CFAP54: variants seen among roughly 807,000 people sequenced by gnomAD.
CFAP54 encodes cilia- and flagella-associated protein 54.
In CFAP54, 290 loss-of-function variants were observed where a neutral mutation model predicts 370.4. The observed-to-expected ratio is 0.78, with a 90% CI of 0.71 to 0.86. The LOEUF (loss-of-function observed/expected upper bound fraction) is 0.86. Ranked by LOEUF, CFAP54 falls within the 40% of genes least tolerant of loss-of-function variation. The probability of loss-of-function intolerance (pLI) is 0.00; values close to 1 mark genes in which losing one functional copy is unlikely to be tolerated. For synonymous variants in CFAP54, 1,206 were observed against 1,236.5 expected, an observed-to-expected ratio of 0.98 and a Z score of 0.52; for missense variants, 3,399 against 3,528.7, an observed-to-expected ratio of 0.96 and a Z score of 0.93.
chr12:96,691,322 G>A lies in CFAP54; in HGVS notation c.6264+12G>A. On this transcript the variant is annotated intron_variant, in intron 44 of 67. Transcript: ENST00000524981. ...GGCAAAACCTAATAGTAAGTAATTT[G>A]TAAAATAAAAATTATATATCACTGG... is the stretch of plus-strand genomic sequence containing the variant. The A allele has an allele frequency of 6.4e-7, 1 of 1,552,602 alleles. No homozygotes were observed. The highest frequency in any genetic ancestry group is 8.7e-7 in the Non-Finnish European group (1 of 1,150,642).
Position 96,753,800 on chromosome 12 carries a change from G to C in CFAP54, c.7742G>C (p.Trp2581Ser). 1 of 1,613,994 alleles carries C rather than the reference G, an allele frequency of 6.2e-7. No homozygotes were observed. The highest frequency in any genetic ancestry group is 1.1e-5 in the South Asian group (1 of 91,078). The change falls in exon 56 of 68, where the codon TGG (tryptophan) becomes TCG (serine). Residue 2581 changes from tryptophan (W) to serine (S), a missense_variant. Trp to Ser is a radical substitution (Grantham distance 177). Coordinates refer to ENST00000524981, the MANE Select transcript of CFAP54 (RefSeq NM_001306084.2). ...YKNKRKDPSK[W>S]LPALHLFDVA... Reference sequence around the variant, plus strand: ...AATAAAAGGAAGGACCCCTCGAAGTGGTTACCTGCTCTTCATCTGTTTGAT... The same window carrying C: ...AATAAAAGGAAGGACCCCTCGAAGTCGTTACCTGCTCTTCATCTGTTTGAT...
At chr12:96,669,505 T>G (rs997738830) in intron 39 of CFAP54, among the ~76,000 whole-genome samples, 1 of 152,042 alleles carries the variant, frequency 6.6e-6, no homozygotes, top group Non-Finnish European at 1.5e-5. Flanking sequence ...GTGGTCAGCA[T>G]AGAGGAGGGG....
At chr12:96,778,528 A>G (rs1185413917) in intron 60 of CFAP54, among the ~76,000 whole-genome samples, 1 of 152,202 alleles carries the variant, frequency 6.6e-6, no homozygotes, top group Non-Finnish European at 1.5e-5. Flanking sequence ...TGAGATTTAC[A>G]TCTTAGTAGC....
chr12:96,513,027 A>G lies in CFAP54; in HGVS notation c.781A>G (p.Ile261Val). The G allele has an allele frequency of 1.3e-6, 2 of 1,517,526 alleles. No individual in the cohort carries two copies. Among genetic ancestry groups the G allele is most frequent in the Non-Finnish European group, 1.8e-6 (2 of 1,137,236 alleles). 94.0% of individuals were successfully genotyped at this position (1,517,526 alleles called of 1,614,324 possible). The change falls in exon 5 of 68, where the codon ATA (isoleucine) becomes GTA (valine). Residue 261 changes from isoleucine (I) to valine (V), a missense_variant. Coordinates refer to ENST00000524981, the MANE Select transcript of CFAP54 (RefSeq NM_001306084.2). Reference protein sequence around the residue: ...IYTICRKLMVIGQSSKALEYL... With the variant: ...IYTICRKLMVVGQSSKALEYL... The stretch of plus-strand genomic sequence containing the variant: ...CACCATTTGCAGAAAACTGATGGTC[A>G]TAGGTCAGTCTTCCAAGGTATGAAA...
chr12:96,636,502 T>C (rs953435276), intron 32 of CFAP54, among the ~76,000 whole-genome samples: 2 of 152,232 alleles, frequency 1.3e-5, no homozygotes, highest in African/African-American at 4.8e-5. Flanking sequence ...TTAATCTTTG[T>C]CTTCTCTCGT....
rs2136425649 is a variant in CFAP54, at chr12:96,581,102, A to C, written c.3072A>C (p.Thr1024=). Residue 1024 remains threonine (T), a synonymous_variant, in exon 22 of 68, where the codon ACA becomes ACC. Transcript: ENST00000524981. The stretch of plus-strand genomic sequence containing the variant: ...CTATTACTGCTCGGATGTTCCTGAC[A>C]CAGGTAGAAAAGATTTCTGCTAATT... ...LSTITARMFL[T]QVAYQVGNYE... 6.9e-7 allele frequency: 1 copy of C among 1,457,768 alleles called. No homozygotes were observed. Among genetic ancestry groups the C allele is most frequent in the Non-Finnish European group, 9.0e-7 (1 of 1,107,348 alleles). The allele number at this position is 1,457,768 out of a possible 1,614,324, so 90.3% of individuals were successfully genotyped here.
At chr12:96,630,737 G>A (rs1565920770) in intron 32 of CFAP54, 86 bp downstream of exon 32, 3 of 733,806 alleles carry the variant, frequency 4.1e-6, no homozygotes, top group South Asian at 3.3e-5. Flanking sequence ...GGATACACTG[G>A]TGGACCAGAC....
At chr12:96,785,967 C>T (rs571289628) in intron 61 of CFAP54, among the ~76,000 whole-genome samples, 8 of 152,310 alleles carry the variant, frequency 5.3e-5, no homozygotes, top group African/African-American at 1.9e-4. Context: ...CTGTAGCCCA[C>T]TCATTTACTC....
At chr12:96,648,782 GTTTCAC>G (rs1956827133) in intron 34 of CFAP54, among the ~76,000 whole-genome samples, 1 of 151,768 alleles carries the variant, frequency 6.6e-6, no homozygotes, top group Non-Finnish European at 1.5e-5. Flanking sequence ...TAAAGACGGG[GTTTCAC>G]TATGTTGGCC....
At chr12:96,514,947 C>A (rs1955213795) in intron 5 of CFAP54, among the ~76,000 whole-genome samples, 1 of 151,066 alleles carries the variant, frequency 6.6e-6, no homozygotes, top group South Asian at 2.1e-4. Context: ...TAAAATTATT[C>A]TTTTGTTCAT....
intron 32 of CFAP54, among the ~76,000 whole-genome samples, chr12:96,637,016 A>G (rs1435852567): frequency 6.6e-6 from 1 of 152,210 alleles, no homozygotes; most frequent in East Asian, 1.9e-4. Flanking sequence ...TTACCCAGAA[A>G]GAAACCCGGC....
chr12:96,856,973 G>A (rs564169859), intron 66 of CFAP54, among the ~76,000 whole-genome samples: 1 of 152,302 alleles, frequency 6.6e-6, no homozygotes, highest in East Asian at 1.9e-4. Context: ...CAGGACTGGG[G>A]AGGCCTCAGG....
chr12:96,763,916 T>C (rs1431053241), intron 58 of CFAP54, among the ~76,000 whole-genome samples: 2 of 152,230 alleles, frequency 1.3e-5, no homozygotes, highest in Non-Finnish European at 2.9e-5. Flanking sequence ...TTTCTCTGCT[T>C]TTATGTACAG....
intron 66 of CFAP54, among the ~76,000 whole-genome samples, chr12:96,854,320 GT>G (rs1381208299): frequency 6.6e-6 from 1 of 152,012 alleles, no homozygotes; most frequent in Non-Finnish European, 1.5e-5. Context: ...ATAAAAAATA[GT>G]AGCGAAATAG....
At chr12:96,512,854 C>G (rs979031436) in intron 4 of CFAP54, 132 bp from the exon 5 acceptor site, 2 of 460,918 alleles carry the variant, frequency 4.3e-6, no homozygotes, top group African/African-American at 4.0e-5. Context: ...GAGTATAACT[C>G]TATATACCAT....
At chr12:96,814,430 T>C (rs1171734377) in intron 64 of CFAP54, among the ~76,000 whole-genome samples, 1 of 152,232 alleles carries the variant, frequency 6.6e-6, no homozygotes, top group African/African-American at 2.4e-5. Flanking sequence ...TAAGGTTTCA[T>C]GGCTAGAGTT....
chr12:96,579,031 C>T (rs1453277275), intron 20 of CFAP54, among the ~76,000 whole-genome samples: 1 of 151,892 alleles, frequency 6.6e-6, no homozygotes, highest in Non-Finnish European at 1.5e-5. Flanking sequence ...AGAATTTTAC[C>T]CTCCAAATTC....
intron 67 of CFAP54, among the ~76,000 whole-genome samples, chr12:96,867,843 A>G (rs1960044164): frequency 6.6e-6 from 1 of 152,190 alleles, no homozygotes; most frequent in South Asian, 2.1e-4. Context: ...AATAATGACT[A>G]TGGTTGGTAA....
Position 96,540,895 on chromosome 12 carries a change from T to C in CFAP54, c.1985T>C (p.Ile662Thr), listed in dbSNP as rs956542046. 5.7e-5 allele frequency: 86 copies of C among 1,516,472 alleles called. No individual in the cohort carries two copies. The highest frequency in any genetic ancestry group is 7.1e-5 in the Non-Finnish European group (81 of 1,138,334). The allele number at this position is 1,516,472 out of a possible 1,614,324, so 93.9% of individuals were successfully genotyped here. The change falls in exon 14 of 68, where the codon ATT becomes ACT. Residue 662 changes from isoleucine to threonine, a missense_variant. Coordinates refer to ENST00000524981, the MANE Select transcript of CFAP54 (RefSeq NM_001306084.2). ...ATTCACTGCTATAAAATGGAAGACA[T>C]TGACATTGTGGTAGTGGCAGAAGTC... ...EVIHCYKMED[I>T]DIVVVAEVTL... is the part of the protein sequence containing the mutation.
Sources: allele counts gnomAD v4.1 joint callset (sites outside exome capture counted in the v4.1 genomes callset), GRCh38; gene constraint gnomAD v4.1.1; transcripts MANE v1.5; gene names NCBI Gene and HGNC (gene_info 2026-07-23, HGNC 2026-07-21).